The following CNTNAP2 variants were observed in gnomAD, a reference collection of about 807,000 sequenced individuals.
CNTNAP2 encodes contactin-associated protein-like 2.
A neutral mutation model predicts 155.2 loss-of-function variants in CNTNAP2; 98 were observed. That is an observed-to-expected ratio of 0.63 (90% CI 0.54 to 0.75). The LOEUF is 0.75. Among genes scored for constraint, CNTNAP2 ranks in the 30% least tolerant of loss-of-function variants. CNTNAP2 has a pLI of 0.00. For synonymous variants in CNTNAP2, 651 were observed against 631.2 expected, an observed-to-expected ratio of 1.03 and a Z score of -0.47; for missense variants, 1,727 against 1,688.1, an observed-to-expected ratio of 1.02 and a Z score of -0.40.
rs1798148603 is a variant in CNTNAP2, at chr7:147,467,926, G to C, written c.1671-18009G>C. Among the ~76,000 whole-genome samples the C allele has an allele frequency of 2.0e-5, 3 of 152,196 alleles. No individual in the cohort carries two copies. In the South Asian group the frequency reaches 6.2e-4, roughly 32 times the overall value. The stretch of plus-strand genomic sequence containing the variant: ...CATGCCTGTAGTCCTAGCTTCTCAG[G>C]AGGCTGAAGAGGGAGGATTGCTTGA... On this transcript the variant is annotated intron_variant, in intron 10 of 23. Transcript: ENST00000361727.
At chr7:146,883,918 A>G (rs1466871024) in intron 3 of CNTNAP2, among the ~76,000 whole-genome samples, 1 of 152,072 alleles carries the variant, frequency 6.6e-6, no homozygotes, top group Non-Finnish European at 1.5e-5. Context: ...ATTATGTTTG[A>G]AGTGTCATTT....
At chr7:146,169,449 A>G (rs1798357572) in intron 1 of CNTNAP2, among the ~76,000 whole-genome samples, 1 of 152,206 alleles carries the variant, frequency 6.6e-6, no homozygotes, top group South Asian at 2.1e-4. Flanking sequence ...AATTATTACC[A>G]CAATCAAGCT....
intron 1 of CNTNAP2, among the ~76,000 whole-genome samples, chr7:146,590,190 T>C (rs893446549): frequency 6.6e-6 from 1 of 152,202 alleles, no homozygotes; most frequent in East Asian, 1.9e-4. Context: ...ATGCCACAAG[T>C]TGTTTCTTCT....
chr7:148,108,478 G>A (rs2116593101), intron 15 of CNTNAP2, among the ~76,000 whole-genome samples: 1 of 152,308 alleles, frequency 6.6e-6, no homozygotes, highest in South Asian at 2.1e-4. Context: ...ACATGGGTGA[G>A]GTTGAGAGGA....
chr7:147,839,322 A>C (rs972659038), intron 13 of CNTNAP2, among the ~76,000 whole-genome samples: 1 of 152,202 alleles, frequency 6.6e-6, no homozygotes, highest in Admixed American at 6.5e-5. Flanking sequence ...GTTGACACTC[A>C]GTATTAACCA....
chr7:147,734,941 A>G (rs1342444203), intron 13 of CNTNAP2, among the ~76,000 whole-genome samples: 1 of 149,432 alleles, frequency 6.7e-6, no homozygotes, highest in African/African-American at 2.5e-5. Flanking sequence ...CGGTCTATCA[A>G]TATTGTTGAT....
Position 146,245,616 on chromosome 7 carries a change from T to C in CNTNAP2, c.97+128643T>C, listed in dbSNP as rs186365253. 3.7e-3 allele frequency among the ~76,000 whole-genome samples: 567 copies of C among 151,942 alleles called. 3 individuals are homozygous for C. The highest frequency in any genetic ancestry group is 6.0e-3 in the Non-Finnish European group (411 of 68,004). ...AAAGGAGTTGTTGTTTTGTAAGGGA[T>C]TGAGGTTTGGGAGATTAATCGGATA... On this transcript the variant is annotated intron_variant, in intron 1 of 23. Coordinates refer to ENST00000361727, the MANE Select transcript of CNTNAP2 (RefSeq NM_014141.6).
At chr7:146,826,853 T>C in intron 2 of CNTNAP2, among the ~76,000 whole-genome samples, 1 of 140,720 alleles carries the variant, frequency 7.1e-6, no homozygotes, top group Admixed American at 7.0e-5. Flanking sequence ...TATATATATA[T>C]ATATAGAGAG....
intron 1 of CNTNAP2, among the ~76,000 whole-genome samples, chr7:146,458,556 T>C (rs1021617525): frequency 6.6e-6 from 1 of 152,196 alleles, no homozygotes; most frequent in Non-Finnish European, 1.5e-5. Flanking sequence ...CATTAGATTT[T>C]ACATATGTCC....
chr7:147,019,438 C>A (rs1308361440), intron 3 of CNTNAP2, among the ~76,000 whole-genome samples: 2 of 151,874 alleles, frequency 1.3e-5, no homozygotes, highest in Non-Finnish European at 2.9e-5. Flanking sequence ...CAAAAATAAA[C>A]AAACACAAAG....
At chr7:147,558,612 C>A (rs893407392) in intron 11 of CNTNAP2, among the ~76,000 whole-genome samples, 1 of 152,186 alleles carries the variant, frequency 6.6e-6, no homozygotes, top group African/African-American at 2.4e-5. Flanking sequence ...TGAGGCAAAG[C>A]AGCTTAGGCC....
chr7:147,700,965 G>A (rs1796228397), intron 13 of CNTNAP2, among the ~76,000 whole-genome samples: 1 of 152,210 alleles, frequency 6.6e-6, no homozygotes, highest in African/African-American at 2.4e-5. Context: ...TCTCTGTGCT[G>A]TGAAATCTGA....
chr7:146,588,020 G>GTA (rs1275909409), intron 1 of CNTNAP2, among the ~76,000 whole-genome samples: 5 of 151,716 alleles, frequency 3.3e-5, no homozygotes, highest in Non-Finnish European at 7.4e-5. Context: ...GTGTGTGTGT[G>GTA]TGTGTGTGTG....
At chr7:148,033,517 C>A (rs539055870) in intron 15 of CNTNAP2, among the ~76,000 whole-genome samples, 25 of 152,242 alleles carry the variant, frequency 1.6e-4, no homozygotes, top group African/African-American at 4.8e-4. Flanking sequence ...ATTCGCCTCA[C>A]TGTGTCCCTG....
At chr7:147,855,703 C>A (rs1232888284) in intron 13 of CNTNAP2, among the ~76,000 whole-genome samples, 2 of 152,092 alleles carry the variant, frequency 1.3e-5, no homozygotes, top group African/African-American at 2.4e-5. Flanking sequence ...TCTCTATTTT[C>A]CTATTGCAAC....
At chr7:147,841,361 G>A (rs576435991) in intron 13 of CNTNAP2, among the ~76,000 whole-genome samples, 4 of 152,088 alleles carry the variant, frequency 2.6e-5, no homozygotes, top group Non-Finnish European at 5.9e-5. Flanking sequence ...TCAGGCTTTT[G>A]TCAGTATCTA....
Position 148,413,442 on chromosome 7 carries a change from ATATATT to A in CNTNAP2, c.3797-1974_3797-1969del, listed in dbSNP as rs1257883894. Among the ~76,000 whole-genome samples, 163 of 106,438 alleles carry A rather than the reference ATATATT, an allele frequency of 1.5e-3. 13 individuals are homozygous for A. Among genetic ancestry groups the A allele is most frequent in the Middle Eastern group, 0.014 (3 of 208 alleles). 69.8% of individuals were successfully genotyped at this position (106,438 alleles called of 152,430 possible). Reference sequence around the variant, plus strand: ...TATATATATATATATATATATATATATATATTGCTCCATAGTTTTCTTGTAACATTT... The same window carrying A: ...TATATATATATATATATATATATATAGCTCCATAGTTTTCTTGTAACATTT... On this transcript the variant is annotated intron_variant, in intron 23 of 23. Coordinates refer to ENST00000361727, the MANE Select transcript of CNTNAP2 (RefSeq NM_014141.6).
intron 1 of CNTNAP2, among the ~76,000 whole-genome samples, chr7:146,376,639 T>C (rs1795307827): frequency 1.3e-5 from 2 of 152,196 alleles, no homozygotes; most frequent in Admixed American, 6.5e-5. Context: ...CAGACTTTGG[T>C]ATATTTCTCA....
chr7:147,649,694 G>A (rs1487409326), intron 13 of CNTNAP2, among the ~76,000 whole-genome samples: 1 of 151,800 alleles, frequency 6.6e-6, no homozygotes, highest in Non-Finnish European at 1.5e-5. Context: ...TTTAAAATTT[G>A]CATTTTAGTT....
Sources: gnomAD v4.1 joint callset for allele counts (sites outside exome capture counted in the v4.1 genomes callset) on GRCh38, gnomAD v4.1.1 for gene constraint, MANE v1.5 for transcripts, NCBI Gene and HGNC (gene_info 2026-07-23, HGNC 2026-07-21) for gene names.